The following DNAH7 variants were observed in gnomAD, a reference collection of about 807,000 sequenced individuals.
DNAH7 encodes axonemal beta dynein heavy chain 7.
In DNAH7, 397 loss-of-function variants were observed where a neutral mutation model predicts 444.6. The observed-to-expected ratio is 0.89, with a 90% CI of 0.82 to 0.97. The LOEUF (loss-of-function observed/expected upper bound fraction) is 0.97. DNAH7 is among the 50% of genes least tolerant of loss of function. DNAH7 has a pLI of 0.00. For missense variants in DNAH7, 4,902 were observed against 4,800.8 expected (o/e 1.02, Z -0.62); for synonymous variants, 1,636 against 1,624.4 (o/e 1.01, Z -0.17).
intron 58 of DNAH7, among the ~76,000 whole-genome samples, chr2:195,783,972 C>A (rs1035066910): frequency 3.3e-5 from 5 of 151,864 alleles, no homozygotes; most frequent in African/African-American, 1.2e-4. Flanking sequence ...CAAAACGGAA[C>A]AAAAGGTATG....
intron 5 of DNAH7, among the ~76,000 whole-genome samples, chr2:196,037,682 T>C (rs1696481080): frequency 6.6e-6 from 1 of 152,026 alleles, no homozygotes; most frequent in Non-Finnish European, 1.5e-5. Flanking sequence ...TATTTTGAAA[T>C]AACCCAGTGA....
intron 49 of DNAH7, among the ~76,000 whole-genome samples, chr2:195,820,970 T>C (rs1697441285): frequency 6.6e-6 from 1 of 152,184 alleles, no homozygotes; most frequent in Admixed American, 6.5e-5. Context: ...GTACCTTGTG[T>C]GGATTAGAAA....
chr2:195,737,838 A>AC lies in DNAH7; in HGVS notation c.*82_*83insG. ...TAGTCAAATGTATTTAAACAAACAAAAAAAAAGGTTTAAGTAGTAAAATAT... is the reference window on the plus strand; with the variant it reads ...TAGTCAAATGTATTTAAACAAACAAACAAAAAAGGTTTAAGTAGTAAAATAT... On this transcript the variant is annotated 3_prime_UTR_variant, in exon 65 of 65. Coordinates refer to ENST00000312428, the MANE Select transcript of DNAH7 (RefSeq NM_018897.3). 1 of 1,290,666 alleles carries AC rather than the reference A, an allele frequency of 7.7e-7. No homozygotes were observed. Among genetic ancestry groups the AC allele is most frequent in the Non-Finnish European group, 1.1e-6 (1 of 935,976 alleles). 80.0% of individuals were successfully genotyped at this position (1,290,666 alleles called of 1,614,324 possible). A position where few individuals can be genotyped will look rare whatever the true frequency, so the allele number is the denominator to read the frequency against.
Position 195,809,875 on chromosome 2 carries a change from A to C in DNAH7, c.9762-4T>G, listed in dbSNP as rs759525123. On this transcript the variant is annotated splice_region_variant and splice_polypyrimidine_tract_variant and intron_variant, in intron 51 of 64. Transcript: ENST00000312428. ...GTGATCCTTGAGAATCTGAAGCCTA[A>C]GGGTCAACAGAAAATAAAGGAAATA... is the stretch of plus-strand genomic sequence containing the variant. 10 of 1,532,938 alleles carry C rather than the reference A, an allele frequency of 6.5e-6. No individual in the cohort carries two copies. The Admixed American group carries it at 1.5e-4, about 23-fold the overall frequency. 95.0% of individuals were successfully genotyped at this position (1,532,938 alleles called of 1,614,324 possible).
chr2:195,957,355 C>G lies in DNAH7; in HGVS notation c.2984G>C (p.Ser995Thr). 1 of 1,607,786 alleles carries G rather than the reference C, an allele frequency of 6.2e-7. No homozygotes were observed. Among genetic ancestry groups the G allele is most frequent in the Non-Finnish European group, 8.5e-7 (1 of 1,175,758 alleles). The stretch of plus-strand genomic sequence containing the variant: ...CATTTGAGACATAATGTCTGGAGAG[C>G]TGAAAATGGGCTCCAGATACAGCCA... ...ATWLYLEPIF[S>T]SPDIMSQMPE... Residue 995 changes from serine (S) to threonine (T), a missense_variant, in exon 19 of 65, where the codon AGC (serine) becomes ACC (threonine). Ser to Thr is a moderately conservative substitution (Grantham distance 58, BLOSUM62 1). Coordinates refer to ENST00000312428, the MANE Select transcript of DNAH7 (RefSeq NM_018897.3).
intron 9 of DNAH7, among the ~76,000 whole-genome samples, chr2:196,016,039 G>A (rs758910529): frequency 5.9e-5 from 9 of 152,152 alleles, no homozygotes; most frequent in Non-Finnish European, 1.0e-4. Flanking sequence ...CCACAACTAC[G>A]GAGCCTAATT....
At chr2:195,962,795 C>T (rs2125538424) in intron 17 of DNAH7, among the ~76,000 whole-genome samples, 1 of 152,304 alleles carries the variant, frequency 6.6e-6, no homozygotes, top group Admixed American at 6.5e-5. Flanking sequence ...GGTAACCATT[C>T]TTCTACTCTG....
At chr2:195,990,775 TTG>T (rs140976714) in intron 12 of DNAH7, among the ~76,000 whole-genome samples, 64,975 of 132,630 alleles carry the variant, frequency 0.49, 17,090 homozygotes, top group South Asian at 0.62. Flanking sequence ...TATAGCTTTG[TTG>T]TGTGTGTGTG....
chr2:195,817,017 C>T, intron 50 of DNAH7, 54 bp from the exon 51 acceptor site: 3 of 1,289,482 alleles, frequency 2.3e-6, no homozygotes, highest in Non-Finnish European at 3.2e-6. Flanking sequence ...AAAATCATTT[C>T]ACGTATATGT....
chr2:196,064,693 A>G (rs1698325001), intron 1 of DNAH7, among the ~76,000 whole-genome samples: 1 of 152,164 alleles, frequency 6.6e-6, no homozygotes, highest in Admixed American at 6.5e-5. Flanking sequence ...ATGCCATCAC[A>G]CAATTTGTAT....
At chr2:195,751,052 ATAAAC>A (rs1693770207) in intron 63 of DNAH7, among the ~76,000 whole-genome samples, 1 of 152,210 alleles carries the variant, frequency 6.6e-6, no homozygotes, top group African/African-American at 2.4e-5. Flanking sequence ...TAAGGAAACA[ATAAAC>A]TAAATAACTT....
chr2:195,888,284 C>T lies in DNAH7; in HGVS notation c.5380G>A (p.Val1794Ile). 2 of 1,609,656 alleles carry T rather than the reference C, an allele frequency of 1.2e-6. No individual in the cohort carries two copies. The highest frequency in any genetic ancestry group is 1.7e-6 in the Non-Finnish European group (2 of 1,178,536). ...TTTGTATGCTTTCTAATAAATTCAACCGAAACAGGGACCATTCTGTCAAAT... is the reference window on the plus strand; with the variant it reads ...TTTGTATGCTTTCTAATAAATTCAATCGAAACAGGGACCATTCTGTCAAAT... ...GLFDRMVPVSVEFIRKHTKEL... is the reference protein window; with the variant it reads ...GLFDRMVPVSIEFIRKHTKEL... Residue 1794 changes from valine to isoleucine, a missense_variant, in exon 33 of 65, where the codon GTT becomes ATT. Val to Ile is a conservative substitution (Grantham distance 29, BLOSUM62 3). Coordinates refer to ENST00000312428, the MANE Select transcript of DNAH7 (RefSeq NM_018897.3).
chr2:195,861,053 A>C (rs1046824954), intron 42 of DNAH7, among the ~76,000 whole-genome samples: 2 of 152,192 alleles, frequency 1.3e-5, no homozygotes, highest in Admixed American at 1.3e-4. Flanking sequence ...TGTATTAAAA[A>C]TTTTATTTAA....
At chr2:195,739,648 T>C (rs1170131857) in intron 64 of DNAH7, among the ~76,000 whole-genome samples, 1 of 152,212 alleles carries the variant, frequency 6.6e-6, no homozygotes, top group Non-Finnish European at 1.5e-5. Flanking sequence ...TGAACACGTG[T>C]GTGTGTATGT....
chr2:195,944,671 T>C (rs987921100), intron 19 of DNAH7, among the ~76,000 whole-genome samples: 3 of 152,162 alleles, frequency 2.0e-5, no homozygotes, highest in African/African-American at 4.8e-5. Flanking sequence ...ATGAATTAAA[T>C]TACATTGAAA....
chr2:195,889,348 C>G (rs1701889955), intron 31 of DNAH7, among the ~76,000 whole-genome samples: 1 of 144,182 alleles, frequency 6.9e-6, no homozygotes, highest in Non-Finnish European at 1.5e-5. Flanking sequence ...GGGTCTCACT[C>G]TGTTGTCCAG....
chr2:195,907,956 T>C (rs1476026884), intron 25 of DNAH7, among the ~76,000 whole-genome samples: 1 of 152,086 alleles, frequency 6.6e-6, no homozygotes, highest in Non-Finnish European at 1.5e-5. Flanking sequence ...AGCAGTTATA[T>C]ACATTTTGAG....
In DNAH7 at chr2:195,808,724, A is replaced by T. The variant is rs540971575; in HGVS notation, c.10041T>A (p.Phe3347Leu). The change falls in exon 53 of 65, where the codon TTT (phenylalanine) becomes TTA (leucine). Residue 3347 changes from phenylalanine to leucine, a missense_variant. Transcript: ENST00000312428. Reference protein sequence around the residue: ...LPAFKTIRREFMRLKDGWKKV... With the variant: ...LPAFKTIRRELMRLKDGWKKV... ...TCTTCCATCCATCCTTTAAGCGCAT[A>T]AACTCTCTACGAATGGTTTTGAAGG... 1.3e-4 allele frequency: 216 copies of T among 1,613,914 alleles called. No homozygotes were observed. The highest frequency in any genetic ancestry group is 1.8e-4 in the Non-Finnish European group (207 of 1,179,944).
intron 47 of DNAH7, among the ~76,000 whole-genome samples, chr2:195,837,804 G>A (rs1698454627): frequency 6.6e-6 from 1 of 152,148 alleles, no homozygotes; most frequent in South Asian, 2.1e-4. Context: ...AAAAAAAGAG[G>A]CCCCTGTTGT....
Sources: allele counts gnomAD v4.1 joint callset (sites outside exome capture counted in the v4.1 genomes callset), GRCh38; gene constraint gnomAD v4.1.1; transcripts MANE v1.5; gene names NCBI Gene and HGNC (gene_info 2026-07-23, HGNC 2026-07-21).